The following TXNDC8 variants were observed in gnomAD, a reference collection of about 807,000 sequenced individuals.
The protein encoded by TXNDC8 is thioredoxin domain-containing protein 8.
TXNDC8 carries 15 observed loss-of-function variants against 12.9 expected under a neutral mutation model. The observed-to-expected ratio is 1.16, with a 90% CI of 0.78 to 1.79. The LOEUF (loss-of-function observed/expected upper bound fraction) is 1.79, where lower values mean the gene tolerates loss of function less well. Ranked by LOEUF, TXNDC8 falls within the 40% of genes most tolerant of loss-of-function variation. TXNDC8 has a pLI of 0.00. For synonymous variants in TXNDC8, 40 were observed against 35.4 expected, an observed-to-expected ratio of 1.13 and a Z score of -0.46; for missense variants, 128 against 113.2, an observed-to-expected ratio of 1.13 and a Z score of -0.59.
intron 2 of TXNDC8, among the ~76,000 whole-genome samples, chr9:110,327,980 A>C (rs1053065658): frequency 6.6e-6 from 1 of 152,210 alleles, no homozygotes; most frequent in South Asian, 2.1e-4. Context: ...GCAATTAAAC[A>C]CTCACACTTT....
chr9:110,325,122 C>G (rs567493057), intron 3 of TXNDC8, among the ~76,000 whole-genome samples: 2 of 151,812 alleles, frequency 1.3e-5, no homozygotes, highest in African/African-American at 2.4e-5. Context: ...TCCATCCCCC[C>G]ACCCCCGAAA....
intron 3 of TXNDC8, among the ~76,000 whole-genome samples, chr9:110,311,599 C>CAT (rs1199450055): frequency 1.4e-5 from 1 of 69,812 alleles, no homozygotes; most frequent in African/African-American, 4.4e-5. Context: ...TTACTATATC[C>CAT]ATATATATAT....
At chr9:110,315,046 A>C (rs1838832278) in intron 3 of TXNDC8, among the ~76,000 whole-genome samples, 1 of 152,184 alleles carries the variant, frequency 6.6e-6, no homozygotes, top group Non-Finnish European at 1.5e-5. Flanking sequence ...CATCCACAAA[A>C]ATAAAATAAT....
chr9:110,316,364 A>G (rs61115551), intron 3 of TXNDC8, among the ~76,000 whole-genome samples: 4,712 of 152,230 alleles, frequency 0.031, 228 homozygotes, highest in African/African-American at 0.11. Context: ...TGGAGAGGTG[A>G]GCAACATTAA....
intron 3 of TXNDC8, among the ~76,000 whole-genome samples, chr9:110,320,221 T>C (rs529923357): frequency 2.0e-5 from 3 of 152,344 alleles, no homozygotes; most frequent in East Asian, 3.9e-4. Flanking sequence ...AAATCTCATC[T>C]TGAGTTGTAG....
chr9:110,334,164 T>C (rs1206686029), intron 2 of TXNDC8, 52 bp downstream of exon 2: 12 of 1,459,054 alleles, frequency 8.2e-6, no homozygotes, highest in Non-Finnish European at 1.1e-5. Flanking sequence ...AAAAATATTC[T>C]GGAACTTTAA....
intron 3 of TXNDC8, among the ~76,000 whole-genome samples, chr9:110,315,817 G>C (rs1293042867): frequency 1.8e-5 from 2 of 108,376 alleles, no homozygotes; most frequent in Admixed American, 1.1e-4. Flanking sequence ...CCAGCCACAA[G>C]ACACTTTTTT....
chr9:110,313,057 C>T (rs1838745940), intron 3 of TXNDC8, among the ~76,000 whole-genome samples: 1 of 152,088 alleles, frequency 6.6e-6, no homozygotes, highest in Non-Finnish European at 1.5e-5. Flanking sequence ...AGATGCCCGC[C>T]ACCTTACCCA....
intron 2 of TXNDC8, among the ~76,000 whole-genome samples, chr9:110,333,386 T>C (rs1839619268): frequency 6.6e-6 from 1 of 152,178 alleles, no homozygotes; most frequent in South Asian, 2.1e-4. Flanking sequence ...GCGGAACAGT[T>C]TCTTCCTGAA....
chr9:110,323,593 A>G, intron 3 of TXNDC8: 1 of 256,818 alleles, frequency 3.9e-6, no homozygotes, highest in Non-Finnish European at 7.1e-6. Context: ...GAAGGAGAGT[A>G]GCCTGGGAGA....
chr9:110,317,854 A>G (rs181735960), intron 3 of TXNDC8, among the ~76,000 whole-genome samples: 2 of 152,336 alleles, frequency 1.3e-5, no homozygotes, highest in East Asian at 1.9e-4. Flanking sequence ...CAAGAGAACT[A>G]TGTTTGACCC....
intron 4 of TXNDC8, among the ~76,000 whole-genome samples, chr9:110,304,041 A>G (rs932046688): frequency 6.6e-6 from 1 of 152,198 alleles, no homozygotes; most frequent in South Asian, 2.1e-4. Context: ...GTTCCTTTCA[A>G]ATGTTTACAT....
chr9:110,315,922 G>A (rs978212194), intron 3 of TXNDC8, among the ~76,000 whole-genome samples: 51 of 151,656 alleles, frequency 3.4e-4, no homozygotes, highest in Non-Finnish European at 6.2e-4. Flanking sequence ...TTTTGAGACA[G>A]GGTCTTGCTC....
At chr9:110,316,946 G>C (rs1198035098) in intron 3 of TXNDC8, among the ~76,000 whole-genome samples, 1 of 152,234 alleles carries the variant, frequency 6.6e-6, no homozygotes, top group Non-Finnish European at 1.5e-5. Flanking sequence ...CTGTGTTCCA[G>C]TGAAAGTTTA....
intron 3 of TXNDC8, among the ~76,000 whole-genome samples, chr9:110,309,995 G>C (rs1564095285): frequency 6.6e-6 from 1 of 152,062 alleles, no homozygotes; most frequent in Non-Finnish European, 1.5e-5. Flanking sequence ...AAGAAAGTGG[G>C]AAACCAATAA....
intron 1 of TXNDC8, among the ~76,000 whole-genome samples, chr9:110,336,669 G>C (rs970342153): frequency 6.6e-6 from 1 of 152,112 alleles, no homozygotes; most frequent in Admixed American, 6.6e-5. Context: ...TAGGCATTCT[G>C]TCTCCATGGA....
intron 3 of TXNDC8, among the ~76,000 whole-genome samples, chr9:110,311,325 A>G (rs1365258469): frequency 6.6e-6 from 1 of 151,634 alleles, no homozygotes; most frequent in Non-Finnish European, 1.5e-5. Flanking sequence ...ATTAATAGAT[A>G]TTTCATTATT....
chr9:110,304,610 G>T, intron 3 of TXNDC8, 78 bp from the exon 5 acceptor site: 1 of 1,361,634 alleles, frequency 7.3e-7, no homozygotes, highest in Non-Finnish European at 1.0e-6. Flanking sequence ...TGGTTCTTTT[G>T]GCCTTGGCCA....
intron 3 of TXNDC8, 150 bp from the exon 5 acceptor site, chr9:110,304,682 C>G (rs1838361238): frequency 1.6e-6 from 1 of 608,106 alleles, no homozygotes; most frequent in African/African-American, 1.9e-5. Flanking sequence ...TAGGTGGCAG[C>G]TGGGTGGTGG....
Sources: allele counts gnomAD v4.1 joint callset (sites outside exome capture counted in the v4.1 genomes callset), GRCh38; gene constraint gnomAD v4.1.1; transcripts MANE v1.5; gene names NCBI Gene and HGNC (gene_info 2026-07-23, HGNC 2026-07-21).